ZBTB20: variants seen among roughly 807,000 people sequenced by gnomAD.
ZBTB20 encodes zinc finger and BTB domain containing 20.
Under a neutral mutation model 56.9 loss-of-function variants are expected in ZBTB20, and 9 were observed. That is an observed-to-expected ratio of 0.16 (90% CI 0.10 to 0.28). The LOEUF (loss-of-function observed/expected upper bound fraction) is 0.28, where lower values mean the gene tolerates loss of function less well. ZBTB20 is among the 10% of genes least tolerant of loss of function. The pLI, the probability that ZBTB20 is intolerant of heterozygous loss-of-function variation, is 1.00. For missense variants in ZBTB20, 655 were observed against 1,003.0 expected, an observed-to-expected ratio of 0.65 and a Z score of 4.69; for synonymous variants, 417 against 420.7, an observed-to-expected ratio of 0.99 and a Z score of 0.11.
At chr3:114,427,249 T>A (rs1334600980) in intron 7 of ZBTB20, among the ~76,000 whole-genome samples, 3 of 152,230 alleles carry the variant, frequency 2.0e-5, no homozygotes, top group African/African-American at 7.2e-5. Flanking sequence ...ACTATATTTT[T>A]AAAAACAGCT....
At chr3:114,849,773 T>C (rs1000399496) in intron 4 of ZBTB20, among the ~76,000 whole-genome samples, 3 of 152,094 alleles carry the variant, frequency 2.0e-5, no homozygotes, top group Non-Finnish European at 2.9e-5. Context: ...AAGGAAAATA[T>C]GAAAAAATAA....
intron 3 of ZBTB20, among the ~76,000 whole-genome samples, chr3:114,952,453 C>A (rs1398781451): frequency 1.3e-5 from 2 of 151,946 alleles, no homozygotes; most frequent in Non-Finnish European, 2.9e-5. Flanking sequence ...TATCCAATTT[C>A]TGGTATTCTT....
chr3:114,377,965 T>C (rs2083851771), intron 10 of ZBTB20, among the ~76,000 whole-genome samples: 1 of 152,188 alleles, frequency 6.6e-6, no homozygotes, highest in Non-Finnish European at 1.5e-5. Context: ...TTTCTGAAGT[T>C]AAAGAGACTA....
intron 3 of ZBTB20, among the ~76,000 whole-genome samples, chr3:114,971,209 A>G (rs2077869006): frequency 6.6e-6 from 1 of 152,196 alleles, no homozygotes; most frequent in Non-Finnish European, 1.5e-5. Context: ...AGATTATTCA[A>G]AGTGTATCAG....
intron 6 of ZBTB20, among the ~76,000 whole-genome samples, chr3:114,514,981 A>T (rs1442818364): frequency 2.6e-5 from 4 of 152,150 alleles, no homozygotes; most frequent in Non-Finnish European, 4.4e-5. Context: ...TTTCCTAAGG[A>T]TTAGCATTCT....
intron 3 of ZBTB20, among the ~76,000 whole-genome samples, chr3:114,902,080 T>TGC (rs1389040810): frequency 6.6e-6 from 1 of 152,178 alleles, no homozygotes; most frequent in African/African-American, 2.4e-5. Flanking sequence ...CCAGTAACTG[T>TGC]GCCTACAGTG....
At chr3:115,112,434 A>T (rs1225779910) in intron 1 of ZBTB20, among the ~76,000 whole-genome samples, 1 of 152,104 alleles carries the variant, frequency 6.6e-6, no homozygotes, top group East Asian at 1.9e-4. Flanking sequence ...GTACCCATTA[A>T]CCAACCTCTC....
chr3:114,928,160 T>C lies in ZBTB20; in HGVS notation c.-455-27818A>G, dbSNP rs1283670975. On this transcript the variant is annotated intron_variant, in intron 3 of 11. Coordinates refer to ENST00000675478, the MANE Select transcript of ZBTB20 (RefSeq NM_001348800.3). Reference sequence around the variant, plus strand: ...ATAACTACATAACTTTATCCCTTCGTTTCATGCAGTTTTATCTCCGTCTTC... The same window carrying C: ...ATAACTACATAACTTTATCCCTTCGCTTCATGCAGTTTTATCTCCGTCTTC... 3.3e-5 allele frequency among the ~76,000 whole-genome samples: 5 copies of C among 152,226 alleles called. No homozygotes were observed. In the East Asian group the frequency reaches 9.6e-4, roughly 29 times the overall value.
intron 10 of ZBTB20, among the ~76,000 whole-genome samples, chr3:114,371,327 G>C (rs2082981141): frequency 6.6e-6 from 1 of 152,128 alleles, no homozygotes; most frequent in African/African-American, 2.4e-5. Context: ...TAAGATTCTT[G>C]GTGGTGGGGT....
At chr3:114,927,043 T>C (rs1410286997) in intron 3 of ZBTB20, among the ~76,000 whole-genome samples, 1 of 152,142 alleles carries the variant, frequency 6.6e-6, no homozygotes, top group African/African-American at 2.4e-5. Context: ...AAATAAATCT[T>C]GGGGCCCAAA....
chr3:115,043,259 GTTT>G (rs1377064237), intron 2 of ZBTB20, among the ~76,000 whole-genome samples: 1 of 151,908 alleles, frequency 6.6e-6, no homozygotes, highest in Non-Finnish European at 1.5e-5. Context: ...TTAATAATTT[GTTT>G]AAAAAGTAGT....
chr3:114,370,729 C>A (rs1310810557), intron 10 of ZBTB20, among the ~76,000 whole-genome samples: 1 of 152,140 alleles, frequency 6.6e-6, no homozygotes, highest in Non-Finnish European at 1.5e-5. Context: ...CTCACGCATT[C>A]CTGCTGTGCC....
intron 1 of ZBTB20, among the ~76,000 whole-genome samples, chr3:115,133,741 TATATC>T (rs1193271738): frequency 6.6e-6 from 1 of 152,238 alleles, no homozygotes; most frequent in African/African-American, 2.4e-5. Context: ...ATTGTATAGA[TATATC>T]ATAGATGAAT....
At chr3:114,599,913 T>C (rs1469321438) in intron 6 of ZBTB20, among the ~76,000 whole-genome samples, 1 of 151,900 alleles carries the variant, frequency 6.6e-6, no homozygotes, top group East Asian at 1.9e-4. Context: ...ATTTTTCTAA[T>C]ACTATGGGGG....
intron 6 of ZBTB20, among the ~76,000 whole-genome samples, chr3:114,501,148 A>T (rs938274771): frequency 6.6e-6 from 1 of 152,168 alleles, no homozygotes; most frequent in Non-Finnish European, 1.5e-5. Context: ...CCAGCCTAGA[A>T]TGTCCCCTCT....
intron 6 of ZBTB20, chr3:114,688,469 T>C (rs2062490996): frequency 6.6e-6 from 1 of 152,000 alleles, no homozygotes; most frequent in South Asian, 2.1e-4. Flanking sequence ...ATTCTTCTCC[T>C]CTATCATTTT....
At chr3:114,440,069 A>G (rs1338455258) in intron 7 of ZBTB20, among the ~76,000 whole-genome samples, 1 of 152,080 alleles carries the variant, frequency 6.6e-6, no homozygotes, top group Non-Finnish European at 1.5e-5. Flanking sequence ...GTTTTAACAA[A>G]TGGTAATCAG....
At chr3:114,956,622 T>C (rs2077256040) in intron 3 of ZBTB20, among the ~76,000 whole-genome samples, 1 of 152,156 alleles carries the variant, frequency 6.6e-6, no homozygotes, top group South Asian at 2.1e-4. Context: ...CATCAGCAAG[T>C]ACGCATTTAC....
rs1238006083 is a variant in ZBTB20 at position 114,882,840 on chromosome 3, C to T, written c.-417+17464G>A. ...TAAAGACATACTTTTCACTTTATAT[C>T]CTTGTGTACCATTCAAATTTTTTAA... On this transcript the variant is annotated intron_variant, in intron 4 of 11. Coordinates refer to ENST00000675478, the MANE Select transcript of ZBTB20 (RefSeq NM_001348800.3). Among the ~76,000 whole-genome samples, 5 of 152,038 alleles carry T rather than the reference C, an allele frequency of 3.3e-5. No individual in the cohort carries two copies. In the East Asian group the frequency reaches 7.7e-4, roughly 23 times the overall value.
Sources: allele counts gnomAD v4.1 joint callset (sites outside exome capture counted in the v4.1 genomes callset), GRCh38; gene constraint gnomAD v4.1.1; transcripts MANE v1.5; gene names NCBI Gene and HGNC (gene_info 2026-07-23, HGNC 2026-07-21).